FLVCR1: variants seen among roughly 807,000 people sequenced by gnomAD.
The protein encoded by FLVCR1 is choline/ethanolamine transporter FLVCR1.
In FLVCR1, 34 loss-of-function variants were observed where a neutral mutation model predicts 53.6. The ratio of observed to expected loss-of-function variants is 0.63; its 90% CI spans 0.48 to 0.84. The LOEUF (loss-of-function observed/expected upper bound fraction) is 0.84, where lower values mean the gene tolerates loss of function less well. Ranked by LOEUF, FLVCR1 falls within the 40% of genes least tolerant of loss-of-function variation. The probability of loss-of-function intolerance (pLI) is 0.00; values close to 1 mark genes in which losing one functional copy is unlikely to be tolerated. For missense variants in FLVCR1, 677 were observed against 696.7 expected (o/e 0.97, Z 0.32); for synonymous variants, 300 against 286.3 (o/e 1.05, Z -0.48).
chr1:212,889,106 T>C (rs1558120960), intron 7 of FLVCR1, 40 bp from the exon 8 acceptor site: 1 of 1,366,324 alleles, frequency 7.3e-7, no homozygotes, highest in Non-Finnish European at 1.0e-6. Context: ...CTTTAAATAA[T>C]TTAACTTAAT....
At chr1:212,887,189 CT>C (rs1336690728) in intron 5 of FLVCR1, among the ~76,000 whole-genome samples, 2 of 152,142 alleles carry the variant, frequency 1.3e-5, no homozygotes, top group East Asian at 1.9e-4. Context: ...AAAATGATAG[CT>C]TAGAGTGAAA....
At chr1:212,895,170 A>T in intron 9 of FLVCR1, 46 bp from the exon 10 acceptor site, 1 of 1,454,764 alleles carries the variant, frequency 6.9e-7, no homozygotes, top group East Asian at 2.3e-5. Context: ...TTATAATAGG[A>T]TATGCCAGAT....
rs568211546 is a variant in FLVCR1, at chr1:212,868,640, C to T, written c.884-4038C>T. Among the ~76,000 whole-genome samples the T allele has an allele frequency of 7.3e-5, 11 of 151,240 alleles. No homozygotes were observed. In the South Asian group the frequency reaches 2.1e-3, roughly 29 times the overall value. ...GTCAGGCTGGATTCAAACTCCTGAC[C>T]TCAGGTGATCCGCTTGTCTCGGCCT... On this transcript the variant is annotated intron_variant, in intron 2 of 9. Transcript: ENST00000366971.
rs1034894935 is a variant in FLVCR1 at position 212,859,064 on chromosome 1, G to C, written c.612G>C (p.Met204Ile). ...SVQQHLFWVT[M>I]LGQCLCSVAQ... is the part of the protein sequence containing the mutation. Reference sequence around the variant, plus strand: ...AGCAGCATCTCTTCTGGGTCACCATGTTGGGCCAGTGCTTGTGCTCGGTGG... The same window carrying C: ...AGCAGCATCTCTTCTGGGTCACCATCTTGGGCCAGTGCTTGTGCTCGGTGG... Residue 204 changes from methionine (M) to isoleucine (I), a missense_variant, in exon 1 of 10, where the codon ATG becomes ATC. Coordinates refer to ENST00000366971, the MANE Select transcript of FLVCR1 (RefSeq NM_014053.4). 1.9e-6 allele frequency: 3 copies of C among 1,613,210 alleles called. No individual in the cohort carries two copies. In the African/African-American group the frequency reaches 4.0e-5, roughly 22 times the overall value.
At chr1:212,879,873 A>G (rs977938002) in intron 3 of FLVCR1, among the ~76,000 whole-genome samples, 5 of 151,198 alleles carry the variant, frequency 3.3e-5, no homozygotes, top group Admixed American at 1.3e-4. Flanking sequence ...TTTTTTTTTG[A>G]GGTTGCACTA....
intron 8 of FLVCR1, among the ~76,000 whole-genome samples, chr1:212,890,689 TGATCTGGTTATAACTTAGTTGGAG>T (rs992960280): frequency 5.3e-5 from 8 of 152,324 alleles, no homozygotes; most frequent in African/African-American, 1.9e-4. Context: ...TGTGCTTCGT[TGATCTGGTTATAACTTAGTTGGAG>T]GATCTGGTTA....
At position 212,889,225 on chromosome 1, in the gene FLVCR1, G is replaced by A; in HGVS notation, c.1493G>A (p.Cys498Tyr). The A allele has an allele frequency of 6.2e-7, 1 of 1,613,554 alleles. No homozygotes were observed. The highest frequency in any genetic ancestry group is 8.5e-7 in the Non-Finnish European group (1 of 1,179,588). ...YGPKAGNIFL[C>Y]VWMFIGIILT... is the part of the protein sequence containing the mutation. ...CCTAAGGCAGGGAACATTTTTCTCT[G>A]TGTCTGGATGTTTATAGGCATCATA... Residue 498 changes from cysteine (C) to tyrosine (Y), a missense_variant, in exon 8 of 10, where the codon TGT (cysteine) becomes TAT (tyrosine). By Grantham distance (194) the Cys-to-Tyr change is radical. Transcript: ENST00000366971.
intron 2 of FLVCR1, among the ~76,000 whole-genome samples, chr1:212,869,422 A>T (rs1267782190): frequency 6.6e-6 from 1 of 152,240 alleles, no homozygotes; most frequent in Non-Finnish European, 1.5e-5. Context: ...TTCCTACAAC[A>T]TGTAGCTGGT....
At position 212,896,857 on chromosome 1, in the gene FLVCR1, A is replaced by T. The variant is rs1390028979; in HGVS notation, c.*1567A>T. On this transcript the variant is annotated 3_prime_UTR_variant, in exon 10 of 10. Coordinates refer to ENST00000366971, the MANE Select transcript of FLVCR1 (RefSeq NM_014053.4). ...ACATGGTAAAACCCCATCTCTACTA[A>T]AAAAAAAAAAAAAAAAAAAAAAAAA... 9.6e-4 allele frequency: 39 copies of T among 40,790 alleles called. 1 individual carries two copies. Among genetic ancestry groups the T allele is most frequent in the African/African-American group, 5.2e-3 (33 of 6,372 alleles). 2.5% of individuals were successfully genotyped at this position (40,790 alleles called of 1,614,324 possible).
At chr1:212,874,226 C>G (rs1664688441) in intron 3 of FLVCR1, among the ~76,000 whole-genome samples, 1 of 152,186 alleles carries the variant, frequency 6.6e-6, no homozygotes, top group African/African-American at 2.4e-5. Context: ...CCAGGCTGGT[C>G]TCAAACTCCT....
At chr1:212,884,376 G>A (rs1041590289) in intron 4 of FLVCR1, among the ~76,000 whole-genome samples, 2 of 151,882 alleles carry the variant, frequency 1.3e-5, no homozygotes, top group Non-Finnish European at 2.9e-5. Flanking sequence ...CCAGCCTAGT[G>A]ACAGAGTGAG....
At chr1:212,885,774 A>G (rs1572025435) in intron 5 of FLVCR1, among the ~76,000 whole-genome samples, 1 of 151,782 alleles carries the variant, frequency 6.6e-6, no homozygotes, top group African/African-American at 2.4e-5. Flanking sequence ...GATGGTCTCG[A>G]TCTCCTGACC....
intron 3 of FLVCR1, among the ~76,000 whole-genome samples, chr1:212,873,982 T>G (rs1664678394): frequency 6.6e-6 from 1 of 152,206 alleles, no homozygotes; most frequent in African/African-American, 2.4e-5. Flanking sequence ...CCATTCTTGC[T>G]TCATCTATTT....
Position 212,858,734 on chromosome 1 carries a change from G to A in FLVCR1, c.282G>A (p.Glu94=). The change falls in exon 1 of 10, where the codon GAG becomes GAA. Residue 94 remains glutamate, a synonymous_variant. Transcript: ENST00000366971. ...CGGGAGCTGAGACCCCGGGGGCCGA[G>A]AGCAGCCCGCTGCCCCTTACGGCGC... The part of the protein sequence containing the change: ...AGAGAETPGA[E]SSPLPLTALS... 6.2e-7 allele frequency: 1 copy of A among 1,611,148 alleles called. No individual in the cohort carries two copies.
At chr1:212,864,244 G>A (rs1664342259) in intron 2 of FLVCR1, 1 of 297,830 alleles carries the variant, frequency 3.4e-6, no homozygotes, top group African/African-American at 2.2e-5. Context: ...GATGCACGTA[G>A]GCTATGGTCT....
intron 2 of FLVCR1, among the ~76,000 whole-genome samples, chr1:212,868,722 T>C (rs1334212652): frequency 2.0e-5 from 3 of 152,350 alleles, no homozygotes; most frequent in Non-Finnish European, 4.4e-5. Flanking sequence ...CTGCATACTC[T>C]TAACAGAAAT....
chr1:212,897,349 T>TACAC lies in FLVCR1; in HGVS notation c.*2077_*2080dup, dbSNP rs139242973. On this transcript the variant is annotated 3_prime_UTR_variant, in exon 10 of 10. Transcript: ENST00000366971. Reference sequence around the variant, plus strand: ...AAACCCCATCTCTACTAAAAATACATACACACACACACACACACACAAATT... The same window carrying TACAC: ...AAACCCCATCTCTACTAAAAATACATACACACACACACACACACACACACAAATT... The TACAC allele has an allele frequency of 0.21, 29,814 of 145,338 alleles. 3,477 individuals are homozygous for TACAC. Among genetic ancestry groups the TACAC allele is most frequent in the Admixed American group, 0.37 (5,527 of 14,786 alleles). 9.0% of individuals were successfully genotyped at this position (145,338 alleles called of 1,614,324 possible). A position where few individuals can be genotyped will look rare whatever the true frequency, so the allele number is the denominator to read the frequency against.
rs1311787485 is a variant in FLVCR1 at position 212,897,521 on chromosome 1, C to T, written c.*2231C>T. 2 of 152,070 alleles carry T rather than the reference C, an allele frequency of 1.3e-5. No homozygotes were observed. The highest frequency in any genetic ancestry group is 2.4e-5 in the African/African-American group (1 of 41,366). The allele number at this position is 152,070 out of a possible 1,614,324, so 9.4% of individuals were successfully genotyped here. A position where few individuals can be genotyped will look rare whatever the true frequency, so the allele number is the denominator to read the frequency against. On this transcript the variant is annotated 3_prime_UTR_variant, in exon 10 of 10. Coordinates refer to ENST00000366971, the MANE Select transcript of FLVCR1 (RefSeq NM_014053.4). ...TGGGTGACAGAGCGAGACTCTGTTT[C>T]AGGAAAAAAAGAACAGAAATACCTG...
At chr1:212,875,094 A>G (rs1664718912) in intron 3 of FLVCR1, among the ~76,000 whole-genome samples, 1 of 152,082 alleles carries the variant, frequency 6.6e-6, no homozygotes, top group Non-Finnish European at 1.5e-5. Context: ...TTTCGTGTTC[A>G]TTCTTTTATT....
Sources: gnomAD v4.1 joint callset for allele counts (sites outside exome capture counted in the v4.1 genomes callset) on GRCh38, gnomAD v4.1.1 for gene constraint, MANE v1.5 for transcripts, NCBI Gene and HGNC (gene_info 2026-07-23, HGNC 2026-07-21) for gene names.